HS6ST1: variants seen among roughly 807,000 people sequenced by gnomAD.
HS6ST1 encodes the protein heparan-sulfate 6-O-sulfotransferase 1.
In HS6ST1, 3 loss-of-function variants were observed where a neutral mutation model predicts 25.2. The ratio of observed to expected loss-of-function variants is 0.12; its 90% CI spans 0.05 to 0.31. The LOEUF (loss-of-function observed/expected upper bound fraction) is 0.31, where lower values mean the gene tolerates loss of function less well. Ranked by LOEUF, HS6ST1 falls within the 10% of genes least tolerant of loss-of-function variation. HS6ST1 has a pLI of 1.00. For synonymous variants in HS6ST1, 204 were observed against 275.1 expected (o/e 0.74, Z 2.56); for missense variants, 310 against 609.6 (o/e 0.51, Z 5.18).
intron 1 of HS6ST1, among the ~76,000 whole-genome samples, chr2:128,299,211 C>T (rs559023628): frequency 1.5e-4 from 23 of 152,338 alleles, no homozygotes; most frequent in African/African-American, 5.0e-4. Flanking sequence ...TCCCTCCTTG[C>T]TCTGCACCAC....
In HS6ST1 at chr2:128,318,765, C is replaced by T. The variant is rs1694417994; in HGVS notation, c.-202G>A. 6.8e-6 allele frequency among the ~76,000 whole-genome samples: 1 copy of T among 146,944 alleles called. No individual in the cohort carries two copies. Among genetic ancestry groups the T allele is most frequent in the Non-Finnish European group, 1.5e-5 (1 of 66,040 alleles). Reference sequence around the variant, plus strand: ...GCCCCGGCTCCCCGGGCCCGACGCCCGACTCCGCTCCCGCTCGGCCCCGCT... The same window carrying T: ...GCCCCGGCTCCCCGGGCCCGACGCCTGACTCCGCTCCCGCTCGGCCCCGCT... On this transcript the variant is annotated 5_prime_UTR_variant, in exon 1 of 2. Transcript: ENST00000259241. This position sits in a 1 kb window ranked among gnomAD's most constrained non-coding sequence, Gnocchi z 5.7.
At chr2:128,285,007 C>G (rs995032226) in intron 1 of HS6ST1, among the ~76,000 whole-genome samples, 17 of 152,150 alleles carry the variant, frequency 1.1e-4, no homozygotes, top group Admixed American at 2.0e-4. Context: ...GGCCTGGTGC[C>G]CGGGCCTCAC....
intron 1 of HS6ST1, among the ~76,000 whole-genome samples, chr2:128,276,969 C>T (rs936952074): frequency 2.6e-5 from 4 of 152,224 alleles, no homozygotes; most frequent in East Asian, 1.9e-4. Flanking sequence ...CAAGGGTGGC[C>T]GGTTTCCAGG....
chr2:128,269,979 G>A (rs993376165), intron 1 of HS6ST1, among the ~76,000 whole-genome samples: 4 of 152,218 alleles, frequency 2.6e-5, no homozygotes, highest in African/African-American at 9.6e-5. Context: ...TGATCTGACC[G>A]CACACCTCCC....
intron 1 of HS6ST1, among the ~76,000 whole-genome samples, chr2:128,314,076 A>T (rs535855996): frequency 1.2e-4 from 19 of 152,240 alleles, no homozygotes; most frequent in African/African-American, 4.1e-4. Context: ...CCTGGTCCCC[A>T]GGTCCTGTTC....
chr2:128,314,024 C>G (rs1416109852), intron 1 of HS6ST1, among the ~76,000 whole-genome samples: 9 of 151,878 alleles, frequency 5.9e-5, no homozygotes, highest in Admixed American at 5.9e-4. Context: ...TCATCTTAAC[C>G]AAAGGCCTCT....
At chr2:128,294,711 T>TGTGTGTGG (rs1379638023) in intron 1 of HS6ST1, among the ~76,000 whole-genome samples, 1 of 137,468 alleles carries the variant, frequency 7.3e-6, no homozygotes, top group Non-Finnish European at 1.6e-5. Flanking sequence ...TGTGTGTGTG[T>TGTGTGTGG]GTGTGGAGGG....
At chr2:128,276,238 C>G (rs1008442799) in intron 1 of HS6ST1, among the ~76,000 whole-genome samples, 2 of 152,204 alleles carry the variant, frequency 1.3e-5, no homozygotes, top group African/African-American at 4.8e-5. Flanking sequence ...ATCAATTCTC[C>G]CGCCTCAGCC....
chr2:128,296,622 T>A (rs749791269), intron 1 of HS6ST1, among the ~76,000 whole-genome samples: 1 of 152,194 alleles, frequency 6.6e-6, no homozygotes, highest in African/African-American at 2.4e-5. Context: ...TTTGTTGGCA[T>A]CAGAAAGTGT....
intron 1 of HS6ST1, among the ~76,000 whole-genome samples, chr2:128,295,338 T>G (rs896093267): frequency 6.6e-6 from 1 of 152,140 alleles, no homozygotes; most frequent in Admixed American, 6.5e-5. Flanking sequence ...CACAGTGAGG[T>G]GAAGGCCCTT....
intron 1 of HS6ST1, among the ~76,000 whole-genome samples, chr2:128,308,440 ATCCACCCCTTCC>A (rs1469845901): frequency 1.3e-5 from 2 of 152,176 alleles, no homozygotes; most frequent in African/African-American, 4.8e-5. Flanking sequence ...ATCACGTGGC[ATCCACCCCTTCC>A]TCCTCTTGAC....
intron 1 of HS6ST1, among the ~76,000 whole-genome samples, chr2:128,279,002 T>C (rs948096584): frequency 1.3e-5 from 2 of 152,224 alleles, no homozygotes; most frequent in African/African-American, 4.8e-5. Flanking sequence ...AGAAATGATT[T>C]ATAAGAAATA....
chr2:128,306,445 A>G (rs2104934113), intron 1 of HS6ST1, among the ~76,000 whole-genome samples: 1 of 152,278 alleles, frequency 6.6e-6, no homozygotes, highest in South Asian at 2.1e-4. Context: ...AGAAAACCTC[A>G]GTGCTTACAG....
rs115979173 is a variant in HS6ST1, at chr2:128,270,584, C to T, written c.528-1714G>A. On this transcript the variant is annotated intron_variant, in intron 1 of 1. Transcript: ENST00000259241. Reference sequence around the variant, plus strand: ...AGGGCCAGGGAGTAAGGGCCCGAGGCGGCCGGGGCAGGCTTCTGTCTCCTG... The same window carrying T: ...AGGGCCAGGGAGTAAGGGCCCGAGGTGGCCGGGGCAGGCTTCTGTCTCCTG... 9.2e-3 allele frequency among the ~76,000 whole-genome samples: 1,408 copies of T among 152,326 alleles called. 19 individuals are homozygous for T. Among genetic ancestry groups the T allele is most frequent in the African/African-American group, 0.03 (1,267 of 41,566 alleles).
At chr2:128,288,835 G>C (rs1693906522) in intron 1 of HS6ST1, among the ~76,000 whole-genome samples, 1 of 152,116 alleles carries the variant, frequency 6.6e-6, no homozygotes, top group African/African-American at 2.4e-5. Flanking sequence ...CTCGGGGTCA[G>C]GAGGGCGAGA....
chr2:128,306,422 C>T lies in HS6ST1; in HGVS notation c.527+11615G>A, dbSNP rs777081328. On this transcript the variant is annotated intron_variant, in intron 1 of 1. Transcript: ENST00000259241. ...CGACACCCCCACCCCACCCTGGCCA[C>T]GATGACGCAAACAGAAAACCTCAGT... is the stretch of plus-strand genomic sequence containing the variant. 7.2e-5 allele frequency among the ~76,000 whole-genome samples: 11 copies of T among 152,332 alleles called. No homozygotes were observed. The South Asian group carries it at 1.4e-3, about 20-fold the overall frequency.
At position 128,310,224 on chromosome 2, in the gene HS6ST1, G is replaced by A. The variant is rs980961146; in HGVS notation, c.527+7813C>T. Among the ~76,000 whole-genome samples, 8 of 152,178 alleles carry A rather than the reference G, an allele frequency of 5.3e-5. No individual in the cohort carries two copies. In the East Asian group the frequency reaches 7.7e-4, roughly 15 times the overall value. ...CCCTGCCCTCCACCGCAGCCTCAGC[G>A]CCTGGTCTGCACAGAGAGGACCCAA... On this transcript the variant is annotated intron_variant, in intron 1 of 1. Transcript: ENST00000259241.
intron 1 of HS6ST1, among the ~76,000 whole-genome samples, chr2:128,309,963 A>C (rs1322143348): frequency 6.6e-6 from 1 of 152,236 alleles, no homozygotes; most frequent in African/African-American, 2.4e-5. Flanking sequence ...ACAGTTAATA[A>C]GTCACTGGTT....
chr2:128,269,284 C>A (rs536823284), intron 1 of HS6ST1, among the ~76,000 whole-genome samples: 20 of 152,298 alleles, frequency 1.3e-4, no homozygotes, highest in African/African-American at 4.1e-4. Flanking sequence ...TGGGCAGGGG[C>A]CAGCGAGGGT....
Sources: gnomAD v4.1 joint callset for allele counts (sites outside exome capture counted in the v4.1 genomes callset) on GRCh38, gnomAD v4.1.1 for gene constraint, Gnocchi (gnomAD v3.1) non-coding constraint, MANE v1.5 for transcripts, NCBI Gene and HGNC (gene_info 2026-07-23, HGNC 2026-07-21) for gene names.